Variants in SYTL3 observed in about 807,000 individuals in gnomAD.
SYTL3 encodes synaptotagmin-like protein 3.
A neutral mutation model predicts 82.1 loss-of-function variants in SYTL3; 88 were observed. That is an observed-to-expected ratio of 1.07 (90% CI 0.90 to 1.28). SYTL3 has a LOEUF of 1.28. Ranked by LOEUF, SYTL3 falls within the 50% of genes most tolerant of loss-of-function variation. SYTL3 has a pLI of 0.00. For missense variants in SYTL3, 831 were observed against 757.6 expected, an observed-to-expected ratio of 1.10 and a Z score of -1.14; for synonymous variants, 311 against 289.4, an observed-to-expected ratio of 1.07 and a Z score of -0.76.
intron 8 of SYTL3, among the ~76,000 whole-genome samples, chr6:158,711,933 A>G (rs2128461286): frequency 6.6e-6 from 1 of 152,252 alleles, no homozygotes; most frequent in African/African-American, 2.4e-5. Flanking sequence ...CAAGGTCTTT[A>G]TGACCTGTAT....
chr6:158,715,549 C>A (rs1180635235), intron 9 of SYTL3, among the ~76,000 whole-genome samples: 1 of 148,200 alleles, frequency 6.7e-6, no homozygotes, highest in East Asian at 1.9e-4. Context: ...TTCACAAGAG[C>A]AAAACAGCAA....
In SYTL3 at chr6:158,663,452, A is replaced by G. The variant is rs954618908; in HGVS notation, c.110+74A>G. The G allele has an allele frequency of 9.6e-5, 150 of 1,568,830 alleles. 1 individual carries two copies. In the Admixed American group the frequency reaches 2.5e-3, roughly 26 times the overall value. On this transcript the variant is annotated intron_variant, in intron 4 of 17. Transcript: ENST00000611299. ...CTTGGGGCCTGCCACTCCGTCGCCAATGCTGTTTGCTTACAAATCACTACC... is the reference window on the plus strand; with the variant it reads ...CTTGGGGCCTGCCACTCCGTCGCCAGTGCTGTTTGCTTACAAATCACTACC...
At chr6:158,743,589 CA>C (rs1787205894) in intron 11 of SYTL3, among the ~76,000 whole-genome samples, 4 of 145,834 alleles carry the variant, frequency 2.7e-5, no homozygotes, top group African/African-American at 1.0e-4. Flanking sequence ...GCTGGTGCAC[CA>C]GTCCAAGCTT....
chr6:158,713,978 A>G, intron 9 of SYTL3, 100 bp downstream of exon 9: 1 of 824,172 alleles, frequency 1.2e-6, no homozygotes, highest in Non-Finnish European at 2.0e-6. Context: ...ACTGTCCCTC[A>G]GGCCACTCAC....
intron 8 of SYTL3, among the ~76,000 whole-genome samples, chr6:158,712,298 C>T (rs1782843937): frequency 6.6e-6 from 1 of 152,164 alleles, no homozygotes; most frequent in Non-Finnish European, 1.5e-5. Flanking sequence ...ATCTTTCTAA[C>T]CGAATCCACT....
rs1782376812 is a variant in SYTL3, at chr6:158,708,501, A to T, written c.516+110A>T. ...GGGCACGGAACCTCCCAGCAAAGGG[A>T]TCTGACTGTGCCTGGAGCGGGTCAC... On this transcript the variant is annotated intron_variant, in intron 8 of 17. Transcript: ENST00000611299. 5 of 1,054,246 alleles carry T rather than the reference A, an allele frequency of 4.7e-6. No homozygotes were observed. The African/African-American group carries it at 6.3e-5, about 13-fold the overall frequency. The allele number at this position is 1,054,246 out of a possible 1,614,324, so 65.3% of individuals were successfully genotyped here. A position where few individuals can be genotyped will look rare whatever the true frequency, so the allele number is the denominator to read the frequency against.
intron 7 of SYTL3, among the ~76,000 whole-genome samples, chr6:158,707,553 C>T (rs1782238381): frequency 6.6e-6 from 1 of 152,182 alleles, no homozygotes; most frequent in Non-Finnish European, 1.5e-5. Flanking sequence ...TATAAGGAAA[C>T]TAAATATTAT....
intron 8 of SYTL3, among the ~76,000 whole-genome samples, chr6:158,711,487 C>T (rs751776186): frequency 1.1e-4 from 16 of 152,168 alleles, no homozygotes; most frequent in Non-Finnish European, 7.3e-5. Flanking sequence ...ATACCAGTAG[C>T]GTGACTCAGT....
chr6:158,694,668 G>C (rs901211054), intron 6 of SYTL3, among the ~76,000 whole-genome samples: 5 of 152,176 alleles, frequency 3.3e-5, no homozygotes, highest in Non-Finnish European at 7.3e-5. Context: ...GAATTGATTA[G>C]AAGGTCCAAG....
At chr6:158,690,713 A>G (rs757383468) in intron 6 of SYTL3, among the ~76,000 whole-genome samples, 5 of 152,216 alleles carry the variant, frequency 3.3e-5, no homozygotes, top group African/African-American at 7.2e-5. Context: ...TTTTCTGATT[A>G]TAGGCTGGCT....
At chr6:158,737,607 G>C (rs555434858) in intron 11 of SYTL3, among the ~76,000 whole-genome samples, 1 of 152,174 alleles carries the variant, frequency 6.6e-6, no homozygotes, top group Non-Finnish European at 1.5e-5. Context: ...ATAAAAGTCA[G>C]GCTGAGTTTT....
intron 6 of SYTL3, among the ~76,000 whole-genome samples, chr6:158,697,441 CA>C (rs1323765039): frequency 1.3e-5 from 2 of 150,834 alleles, no homozygotes; most frequent in African/African-American, 5.0e-5. Flanking sequence ...TGTCTCAAAT[CA>C]GTCAATCAAT....
chr6:158,733,239 C>T lies in SYTL3; in HGVS notation c.855+7602C>T, dbSNP rs140766874. On this transcript the variant is annotated intron_variant, in intron 11 of 17. Transcript: ENST00000611299. ...GGCACATACAGCTCGCAGCCTATGC[C>T]CCTTCCTTATTTGGAAATATTATTA... Among the ~76,000 whole-genome samples the T allele has an allele frequency of 9.7e-3, 1,473 of 152,240 alleles. 11 individuals carry two copies. Among genetic ancestry groups the T allele is most frequent in the Non-Finnish European group, 0.015 (1,011 of 68,022 alleles).
intron 5 of SYTL3, 44 bp from the exon 6 acceptor site, chr6:158,682,881 C>A: frequency 6.8e-7 from 1 of 1,480,684 alleles, no homozygotes; most frequent in South Asian, 1.1e-5. Flanking sequence ...TAGCACTATT[C>A]ATATCTTCTC....
At chr6:158,663,424 C>T (rs1465587896) in intron 4 of SYTL3, 46 bp downstream of exon 4, 1 of 1,600,966 alleles carries the variant, frequency 6.2e-7, no homozygotes, top group Admixed American at 1.7e-5. Context: ...TTAGCTTTCT[C>T]TGCTTGGGGC....
chr6:158,709,866 A>G (rs1192647813), intron 8 of SYTL3, among the ~76,000 whole-genome samples: 1 of 152,016 alleles, frequency 6.6e-6, no homozygotes, highest in African/African-American at 2.4e-5. Context: ...GCAAGACCCT[A>G]TCTACAAAAA....
intron 17 of SYTL3, 132 bp from the exon 18 acceptor site, chr6:158,764,363 G>A (rs1453150804): frequency 7.8e-6 from 5 of 643,892 alleles, no homozygotes; most frequent in East Asian, 2.7e-5. Context: ...GGCGGCGTCT[G>A]TCATCAGTGG....
rs1363913158 is a variant in SYTL3 at position 158,650,958 on chromosome 6, G to GA, written c.-726-788dup. Among the ~76,000 whole-genome samples, 12 of 151,746 alleles carry GA rather than the reference G, an allele frequency of 7.9e-5. No individual in the cohort carries two copies. In the South Asian group the frequency reaches 8.3e-4, roughly 11 times the overall value. On this transcript the variant is annotated intron_variant, in intron 1 of 17. Coordinates refer to ENST00000611299, the MANE Select transcript of SYTL3 (RefSeq NM_001242394.2). ...AGAGTAAGACTCCGTCTCAAAAAAA[G>GA]AAAAAAAGAAATTAGAATTGGTGTA... is the stretch of plus-strand genomic sequence containing the variant.
intron 15 of SYTL3, among the ~76,000 whole-genome samples, chr6:158,761,748 G>A (rs12198658): frequency 0.016 from 2,388 of 152,290 alleles, 45 homozygotes; most frequent in Middle Eastern, 0.048. Context: ...ACAGGGTCTC[G>A]GGGCTCTCAC....
Sources: gnomAD v4.1 joint callset for allele counts (sites outside exome capture counted in the v4.1 genomes callset) on GRCh38, gnomAD v4.1.1 for gene constraint, MANE v1.5 for transcripts, NCBI Gene and HGNC (gene_info 2026-07-23, HGNC 2026-07-21) for gene names.